The following KDM1B variants were observed in gnomAD, a reference collection of about 807,000 sequenced individuals.
KDM1B encodes lysine demethylase 1B, also known as lysine-specific histone demethylase 2.
Under a neutral mutation model 107.4 loss-of-function variants are expected in KDM1B, and 63 were observed. The observed-to-expected ratio is 0.59, with a 90% CI of 0.48 to 0.72. KDM1B has a LOEUF of 0.72. Ranked by LOEUF, KDM1B falls within the 30% of genes least tolerant of loss-of-function variation. The pLI is 0.00. For synonymous variants in KDM1B, 363 were observed against 363.9 expected (o/e 1.00, Z 0.03); for missense variants, 749 against 1,020.8 (o/e 0.73, Z 3.63).
intron 8 of KDM1B, 108 bp from the exon 9 acceptor site, chr6:18,187,684 G>A (rs931569968): frequency 8.3e-6 from 6 of 725,256 alleles, no homozygotes; most frequent in Non-Finnish European, 1.4e-5. Context: ...AAAAAGCATA[G>A]CGGGTTAAGG....
intron 2 of KDM1B, among the ~76,000 whole-genome samples, 185 bp downstream of exon 2, chr6:18,156,111 G>T (rs1216493583): frequency 6.6e-6 from 1 of 152,170 alleles, no homozygotes; most frequent in Non-Finnish European, 1.5e-5. Context: ...GATAGGGTGC[G>T]GCCAGGAGCC....
intron 5 of KDM1B, among the ~76,000 whole-genome samples, chr6:18,164,304 T>C (rs1041846175): frequency 6.6e-6 from 1 of 152,008 alleles, no homozygotes; most frequent in African/African-American, 2.4e-5. Flanking sequence ...ATTTTTGTAT[T>C]GTTAATAGAG....
At chr6:18,179,850 CTTTTTTT>C (rs67156330) in intron 7 of KDM1B, among the ~76,000 whole-genome samples, 18 of 9,634 alleles carry the variant, frequency 1.9e-3, no homozygotes, top group Non-Finnish European at 3.7e-3. Context: ...GTTTTTTTTC[CTTTTTTT>C]TTTTTTTTTT....
At chr6:18,187,388 AGGT>A (rs1292978566) in intron 8 of KDM1B, among the ~76,000 whole-genome samples, 5 of 152,110 alleles carry the variant, frequency 3.3e-5, no homozygotes, top group African/African-American at 1.2e-4. Context: ...AACTATCTTG[AGGT>A]CCTAAGTTAA....
chr6:18,220,872 A>G (rs1490504991), intron 21 of KDM1B, among the ~76,000 whole-genome samples: 1 of 151,686 alleles, frequency 6.6e-6, no homozygotes, highest in African/African-American at 2.4e-5. Context: ...CCTGCGTTCA[A>G]GCAATTCTGT....
At chr6:18,196,645 A>C (rs1165483180) in intron 10 of KDM1B, among the ~76,000 whole-genome samples, 3 of 152,200 alleles carry the variant, frequency 2.0e-5, no homozygotes, top group African/African-American at 7.2e-5. Context: ...TTGGGAAAAA[A>C]AATGGATGGT....
chr6:18,180,434 A>C (rs1246877737), intron 7 of KDM1B, among the ~76,000 whole-genome samples: 2 of 152,182 alleles, frequency 1.3e-5, no homozygotes, highest in Non-Finnish European at 1.5e-5. Flanking sequence ...ATTTTAATAG[A>C]TTCTACTTTT....
chr6:18,179,079 CT>C (rs1786256241), intron 7 of KDM1B, among the ~76,000 whole-genome samples: 1 of 152,196 alleles, frequency 6.6e-6, no homozygotes, highest in Non-Finnish European at 1.5e-5. Flanking sequence ...GAGCAGTCTC[CT>C]TTTCTTTTCC....
intron 5 of KDM1B, 60 bp from the exon 6 acceptor site, chr6:18,166,207 A>G: frequency 3.8e-6 from 3 of 779,602 alleles, no homozygotes; most frequent in Non-Finnish European, 6.7e-6. Context: ...GTTTTGAAAA[A>G]CCTGATTGCT....
At chr6:18,189,660 C>T (rs559580744) in intron 9 of KDM1B, among the ~76,000 whole-genome samples, 6 of 152,160 alleles carry the variant, frequency 3.9e-5, no homozygotes, top group South Asian at 2.1e-4. Flanking sequence ...GGTTAGAAAA[C>T]GGCACTTTCA....
chr6:18,164,115 A>G (rs970784849), intron 5 of KDM1B, among the ~76,000 whole-genome samples: 1 of 151,900 alleles, frequency 6.6e-6, no homozygotes, highest in African/African-American at 2.4e-5. Flanking sequence ...TTTCAGTTCT[A>G]TATATTTTTA....
rs1337044684 is a variant in KDM1B, at chr6:18,207,648, G to A, written c.1791+119G>A. 3.2e-5 allele frequency: 38 copies of A among 1,187,852 alleles called. No homozygotes were observed. In the East Asian group the frequency reaches 8.6e-4, roughly 27 times the overall value. The allele number at this position is 1,187,852 out of a possible 1,614,324, so 73.6% of individuals were successfully genotyped here. A position where few individuals can be genotyped will look rare whatever the true frequency, so the allele number is the denominator to read the frequency against. ...TTTGGTGTTTAGCCAGGGTCTAGAA[G>A]TACTTTTGTGGCTCATTCGTAGCCT... On this transcript the variant is annotated intron_variant, in intron 16 of 21. Transcript: ENST00000650836.
intron 6 of KDM1B, 37 bp downstream of exon 6, chr6:18,166,415 G>T: frequency 8.1e-7 from 1 of 1,234,384 alleles, no homozygotes; most frequent in Non-Finnish European, 1.2e-6. Flanking sequence ...TGAAGTATTT[G>T]TGGAGCCAAA....
rs769522479 is a variant in KDM1B at position 18,200,588 on chromosome 6, T to C, written c.1359+12T>C. The C allele has an allele frequency of 1.7e-4, 266 of 1,608,108 alleles. No individual in the cohort carries two copies. The highest frequency in any genetic ancestry group is 2.2e-4 in the Non-Finnish European group (257 of 1,177,916). On this transcript the variant is annotated intron_variant, in intron 13 of 21. Transcript: ENST00000650836. This position sits in a 1 kb window ranked among gnomAD's most constrained non-coding sequence, Gnocchi z 4.3. ...TAATGTGTGAACAAGTGAGTTTCTTTTAGCTTTGTGTTGTAGATAAAGGAA... is the reference window on the plus strand; with the variant it reads ...TAATGTGTGAACAAGTGAGTTTCTTCTAGCTTTGTGTTGTAGATAAAGGAA...
intron 7 of KDM1B, among the ~76,000 whole-genome samples, chr6:18,174,136 T>C (rs572673239): frequency 6.6e-6 from 1 of 152,328 alleles, no homozygotes; most frequent in South Asian, 2.1e-4. Context: ...TGTAAGTCTG[T>C]TTCTGGACCC....
intron 7 of KDM1B, among the ~76,000 whole-genome samples, chr6:18,176,427 C>T (rs12199671): frequency 0.016 from 2,509 of 152,160 alleles, 37 homozygotes; most frequent in Non-Finnish European, 0.024. Flanking sequence ...TCCTCTTTAC[C>T]GATTTGGATG....
At chr6:18,220,921 A>T (rs1789664801) in intron 21 of KDM1B, among the ~76,000 whole-genome samples, 3 of 149,180 alleles carry the variant, frequency 2.0e-5, no homozygotes, top group East Asian at 4.0e-4. Flanking sequence ...CTAATTTTTT[A>T]TTTTTTTTTA....
At position 18,172,198 on chromosome 6, in the gene KDM1B, T is replaced by C. The variant is rs988799504; in HGVS notation, c.534+719T>C. Among the ~76,000 whole-genome samples the C allele has an allele frequency of 2.6e-5, 4 of 152,198 alleles. No homozygotes were observed. Among genetic ancestry groups the C allele is most frequent in the Non-Finnish European group, 4.4e-5 (3 of 68,030 alleles). On this transcript the variant is annotated intron_variant, in intron 7 of 21. Transcript: ENST00000650836. This position sits in a 1 kb window ranked among gnomAD's most constrained non-coding sequence, Gnocchi z 5.2. Reference sequence around the variant, plus strand: ...CGGCCATCGTTGTTATAATGTGCCTTTTTTGAAATTTGGCAATTACTTACT... The same window carrying C: ...CGGCCATCGTTGTTATAATGTGCCTCTTTTGAAATTTGGCAATTACTTACT...
intron 17 of KDM1B, among the ~76,000 whole-genome samples, chr6:18,210,769 CGA>C (rs1164234045): frequency 6.6e-6 from 1 of 152,066 alleles, no homozygotes; most frequent in African/African-American, 2.4e-5. Flanking sequence ...GAGGCTGAGG[CGA>C]GAAGATGGCT....
Sources: allele counts gnomAD v4.1 joint callset (sites outside exome capture counted in the v4.1 genomes callset), GRCh38; gene constraint gnomAD v4.1.1; non-coding constraint Gnocchi (gnomAD v3.1); transcripts MANE v1.5; gene names NCBI Gene and HGNC (gene_info 2026-07-23, HGNC 2026-07-21).